Variants in FOXP2 observed in about 807,000 individuals in gnomAD.
FOXP2 encodes the protein forkhead box P2.
Under a neutral mutation model 115.8 loss-of-function variants are expected in FOXP2, and 12 were observed. That is an observed-to-expected ratio of 0.10 (90% CI 0.07 to 0.17). The LOEUF (loss-of-function observed/expected upper bound fraction) is 0.17. Ranked by LOEUF, FOXP2 falls within the 10% of genes least tolerant of loss-of-function variation. The pLI is 1.00. For missense variants in FOXP2, 629 were observed against 843.5 expected, an observed-to-expected ratio of 0.75 and a Z score of 3.15; for synonymous variants, 328 against 297.7, an observed-to-expected ratio of 1.10 and a Z score of -1.05.
At chr7:114,398,964 G>A (rs1342825862) in intron 2 of FOXP2, among the ~76,000 whole-genome samples, 1 of 141,944 alleles carries the variant, frequency 7.0e-6, no homozygotes, top group Non-Finnish European at 1.5e-5. Flanking sequence ...ATTTTTGGCA[G>A]TAGTTTCAAA....
At chr7:114,680,000 T>C (rs1015051849) in intron 16 of FOXP2, among the ~76,000 whole-genome samples, 3 of 152,260 alleles carry the variant, frequency 2.0e-5, no homozygotes, top group Non-Finnish European at 2.9e-5. Context: ...GATTTTTTTT[T>C]CCACTTCTAA....
chr7:114,344,078 C>T (rs1791279150), intron 2 of FOXP2, among the ~76,000 whole-genome samples: 1 of 101,586 alleles, frequency 9.8e-6, no homozygotes. Context: ...TAGAACATTA[C>T]CTTGTATATA....
At chr7:114,135,105 A>T in intron 1 of FOXP2, among the ~76,000 whole-genome samples, 1 of 152,250 alleles carries the variant, frequency 6.6e-6, no homozygotes, top group Middle Eastern at 3.2e-3. Context: ...CATAGGGCAC[A>T]TGCCAAATTT....
intron 1 of FOXP2, among the ~76,000 whole-genome samples, chr7:114,193,936 A>G (rs1363229286): frequency 6.6e-6 from 1 of 152,156 alleles, no homozygotes; most frequent in Non-Finnish European, 1.5e-5. Flanking sequence ...AAATTGAGAG[A>G]TGCAATGTGG....
At chr7:114,182,299 G>A (rs887031335) in intron 1 of FOXP2, among the ~76,000 whole-genome samples, 4 of 151,730 alleles carry the variant, frequency 2.6e-5, no homozygotes, top group African/African-American at 9.7e-5. Flanking sequence ...ACGAAAAATG[G>A]AACCAACTGT....
chr7:114,626,283 A>T (rs756183382), intron 3 of FOXP2, among the ~76,000 whole-genome samples: 1 of 151,840 alleles, frequency 6.6e-6, no homozygotes, highest in Non-Finnish European at 1.5e-5. Flanking sequence ...CAATAGCAAC[A>T]AACTCTACAG....
At chr7:114,133,650 T>C (rs930225868) in intron 1 of FOXP2, among the ~76,000 whole-genome samples, 2 of 152,182 alleles carry the variant, frequency 1.3e-5, no homozygotes, top group South Asian at 4.1e-4. Flanking sequence ...AGGTGGGATC[T>C]AGTGGGAAGT....
chr7:114,593,622 T>C (rs78332146), intron 3 of FOXP2, among the ~76,000 whole-genome samples: 19,840 of 152,080 alleles, frequency 0.13, 1,573 homozygotes, highest in African/African-American at 0.22. Context: ...TGGTGATATG[T>C]ATTTTAAATC....
intron 2 of FOXP2, among the ~76,000 whole-genome samples, chr7:114,442,958 C>A (rs1794674807): frequency 6.6e-6 from 1 of 152,096 alleles, no homozygotes; most frequent in African/African-American, 2.4e-5. Context: ...AGAGGAAACT[C>A]CAATTCCAAG....
At chr7:114,458,546 C>CTTTTTTTTTTTTT (rs1177402028) in intron 2 of FOXP2, among the ~76,000 whole-genome samples, 1 of 113,420 alleles carries the variant, frequency 8.8e-6, no homozygotes, top group Non-Finnish European at 1.8e-5. Flanking sequence ...ATTTTCTTTT[C>CTTTTTTTTTTTTT]TTTTTTTTTT....
intron 2 of FOXP2, among the ~76,000 whole-genome samples, chr7:114,314,338 A>T (rs1168510037): frequency 6.6e-6 from 1 of 151,642 alleles, no homozygotes; most frequent in Non-Finnish European, 1.5e-5. Context: ...TGTGTTTGGT[A>T]AAATTTCTGG....
chr7:114,657,338 T>C (rs997022656), intron 10 of FOXP2, among the ~76,000 whole-genome samples: 1 of 152,142 alleles, frequency 6.6e-6, no homozygotes. Context: ...AGTGACACTG[T>C]AATCATAAAT....
chr7:114,305,301 G>T (rs954832659), intron 2 of FOXP2, among the ~76,000 whole-genome samples: 2 of 152,042 alleles, frequency 1.3e-5, no homozygotes, highest in African/African-American at 4.8e-5. Flanking sequence ...TTGTAAAATG[G>T]CTCACATATT....
intron 1 of FOXP2, among the ~76,000 whole-genome samples, chr7:114,215,556 T>C (rs1228853550): frequency 6.6e-6 from 1 of 152,178 alleles, no homozygotes; most frequent in Non-Finnish European, 1.5e-5. Context: ...GTTTATAGTC[T>C]GAAATCCATG....
chr7:114,393,433 TATACA>T (rs1792657610), intron 2 of FOXP2, among the ~76,000 whole-genome samples: 1 of 151,802 alleles, frequency 6.6e-6, no homozygotes, highest in Non-Finnish European at 1.5e-5. Context: ...AAGGAAGGTG[TATACA>T]AATGAGAGAT....
rs527644378 is a variant in FOXP2 at position 114,484,149 on chromosome 7, A to G, written c.169-50468A>G. ...AAAACGATCTTTTAAAGTAATTTTG[A>G]TAAAACTTATCAAAGGTTGCCGATT... On this transcript the variant is annotated intron_variant, in intron 2 of 16. Transcript: ENST00000350908. Among the ~76,000 whole-genome samples the G allele has an allele frequency of 6.6e-5, 10 of 151,958 alleles. No homozygotes were observed. The South Asian group carries it at 1.9e-3, about 28-fold the overall frequency.
chr7:114,250,568 G>C lies in FOXP2; in HGVS notation c.-101-37451G>C, dbSNP rs1024748703. Among the ~76,000 whole-genome samples, 17 of 152,254 alleles carry C rather than the reference G, an allele frequency of 1.1e-4. 1 individual carries two copies. The South Asian group carries it at 1.4e-3, about 13-fold the overall frequency. On this transcript the variant is annotated intron_variant, in intron 1 of 17. Coordinates refer to the FOXP2 transcript ENST00000634411. ...CCAGTGATGATGAGCATTTTTTCATGTGTCTGTTGCCTGCATAAATGTCTT... is the reference window on the plus strand; with the variant it reads ...CCAGTGATGATGAGCATTTTTTCATCTGTCTGTTGCCTGCATAAATGTCTT...
chr7:114,454,426 G>A (rs954248149), intron 2 of FOXP2, among the ~76,000 whole-genome samples: 4 of 152,066 alleles, frequency 2.6e-5, no homozygotes, highest in African/African-American at 9.7e-5. Flanking sequence ...TGATGGGTCT[G>A]TAAACTAGTT....
chr7:114,522,430 A>G (rs1464401303), intron 2 of FOXP2, among the ~76,000 whole-genome samples: 1 of 152,176 alleles, frequency 6.6e-6, no homozygotes, highest in South Asian at 2.1e-4. Context: ...ACAAGCAAGA[A>G]TCCTTCCTTG....
Sources: gnomAD v4.1 joint callset for allele counts (sites outside exome capture counted in the v4.1 genomes callset) on GRCh38, gnomAD v4.1.1 for gene constraint, MANE v1.5 for transcripts, NCBI Gene and HGNC (gene_info 2026-07-23, HGNC 2026-07-21) for gene names.